The following MINDY4 variants were observed in gnomAD, a reference collection of about 807,000 sequenced individuals.
MINDY4 encodes the protein MINDY lysine 48 deubiquitinase 4.
MINDY4 carries 68 observed loss-of-function variants against 87.0 expected under a neutral mutation model. That is an observed-to-expected ratio of 0.78 (90% CI 0.64 to 0.96). The LOEUF (loss-of-function observed/expected upper bound fraction) is 0.96. Ranked by LOEUF, MINDY4 falls within the 40% of genes least tolerant of loss-of-function variation. MINDY4 has a pLI of 0.00. For synonymous variants in MINDY4, 379 were observed against 363.2 expected, an observed-to-expected ratio of 1.04 and a Z score of -0.50; for missense variants, 919 against 928.2, an observed-to-expected ratio of 0.99 and a Z score of 0.13.
intron 5 of MINDY4, among the ~76,000 whole-genome samples, chr7:30,805,529 G>A (rs1787778385): frequency 6.6e-6 from 1 of 152,190 alleles, no homozygotes; most frequent in Non-Finnish European, 1.5e-5. Flanking sequence ...GTGGGGCAGG[G>A]CAAGAAAACG....
intron 5 of MINDY4, among the ~76,000 whole-genome samples, chr7:30,808,824 C>T (rs969732828): frequency 1.3e-5 from 2 of 151,974 alleles, no homozygotes; most frequent in African/African-American, 4.8e-5. Flanking sequence ...CGGCCCTCCC[C>T]ACCCCGCACA....
chr7:30,790,112 G>A (rs1196197311), intron 4 of MINDY4, among the ~76,000 whole-genome samples: 1 of 152,216 alleles, frequency 6.6e-6, no homozygotes, highest in African/African-American at 2.4e-5. Context: ...CTGGCTCTGT[G>A]CTAGTGCCTT....
In MINDY4 at chr7:30,781,976, G is replaced by A. The variant is rs765773204; in HGVS notation, c.184-1G>A. The A allele has an allele frequency of 1.7e-5, 28 of 1,608,916 alleles. No individual in the cohort carries two copies. In the South Asian group the frequency reaches 2.9e-4, roughly 17 times the overall value. On this transcript the variant is annotated splice_acceptor_variant, in intron 2 of 17. Transcript: ENST00000265299. LOFTEE classifies it high-confidence loss of function. ...GATTTTTTTTTCTCTCCCAATGATA[G>A]GCAAAGGAAAATCCTCTAAAAACAA...
intron 17 of MINDY4, among the ~76,000 whole-genome samples, chr7:30,890,588 C>A (rs918469432): frequency 2.6e-5 from 4 of 152,160 alleles, no homozygotes; most frequent in Admixed American, 6.5e-5. Flanking sequence ...AAAATTTAGT[C>A]TTTACAGATA....
chr7:30,887,805 A>C (rs1584361070), intron 17 of MINDY4, among the ~76,000 whole-genome samples: 1 of 152,218 alleles, frequency 6.6e-6, no homozygotes, highest in South Asian at 2.1e-4. Flanking sequence ...GTCAGAGAAC[A>C]CTTCTGCAAA....
intron 5 of MINDY4, among the ~76,000 whole-genome samples, chr7:30,819,891 A>ATT: frequency 7.2e-6 from 1 of 138,466 alleles, no homozygotes; most frequent in African/African-American, 2.9e-5. Context: ...GCATATAGAT[A>ATT]ATTTTTTTTT....
At chr7:30,840,908 G>C in intron 9 of MINDY4, 60 bp downstream of exon 9, 4 of 1,457,744 alleles carry the variant, frequency 2.7e-6, no homozygotes, top group African/African-American at 1.4e-5. Flanking sequence ...AGAGTGTCCA[G>C]AAAAAACAAG....
chr7:30,796,134 T>G (rs1015649330), intron 5 of MINDY4, among the ~76,000 whole-genome samples: 2 of 150,060 alleles, frequency 1.3e-5, no homozygotes, highest in African/African-American at 2.5e-5. Context: ...TTTTTTTTTT[T>G]GTCTCACTAT....
At chr7:30,796,531 G>A (rs1787496073) in intron 5 of MINDY4, among the ~76,000 whole-genome samples, 1 of 152,088 alleles carries the variant, frequency 6.6e-6, no homozygotes, top group African/African-American at 2.4e-5. Context: ...TAAAAAGCAG[G>A]GTGGAATACA....
At position 30,866,193 on chromosome 7, in the gene MINDY4, C is replaced by G. The variant is rs555801572; in HGVS notation, c.1746-6050C>G. Among the ~76,000 whole-genome samples, 13 of 152,356 alleles carry G rather than the reference C, an allele frequency of 8.5e-5. No homozygotes were observed. The South Asian group carries it at 2.7e-3, about 32-fold the overall frequency. On this transcript the variant is annotated intron_variant, in intron 13 of 17. Transcript: ENST00000265299. ...AGGCCACTGAAGAGCTGGGAGGTCT[C>G]AAGACCCTCGGTCCTGTGTGCATCT...
chr7:30,800,279 G>A lies in MINDY4; in HGVS notation c.1073+8705G>A, dbSNP rs139623033. Among the ~76,000 whole-genome samples, 88 of 152,318 alleles carry A rather than the reference G, an allele frequency of 5.8e-4. No homozygotes were observed. The East Asian group carries it at 0.013, about 23-fold the overall frequency. On this transcript the variant is annotated intron_variant, in intron 5 of 17. Coordinates refer to ENST00000265299, the MANE Select transcript of MINDY4 (RefSeq NM_032222.3). ...TTAGATGCATTGGATGCCCTGGTGA[G>A]ATGGGCCAAGCAGGGATCTTTTACA... is the stretch of plus-strand genomic sequence containing the variant.
At chr7:30,815,411 C>T (rs555172475) in intron 5 of MINDY4, among the ~76,000 whole-genome samples, 1 of 152,200 alleles carries the variant, frequency 6.6e-6, no homozygotes, top group African/African-American at 2.4e-5. Flanking sequence ...ACACCTGGGA[C>T]ACCTCATGCT....
chr7:30,839,434 C>T (rs938141403), intron 8 of MINDY4, 118 bp downstream of exon 8: 6 of 603,992 alleles, frequency 9.9e-6, no homozygotes, highest in Non-Finnish European at 1.8e-5. Context: ...CTGGACCAGC[C>T]AGCCCCACAT....
At chr7:30,796,074 C>A (rs1787476739) in intron 5 of MINDY4, among the ~76,000 whole-genome samples, 1 of 151,684 alleles carries the variant, frequency 6.6e-6, no homozygotes. Context: ...GGGAGGGGGT[C>A]ATTTTTATGC....
chr7:30,849,589 C>G (rs748669166), intron 9 of MINDY4, among the ~76,000 whole-genome samples: 2 of 152,178 alleles, frequency 1.3e-5, no homozygotes, highest in Non-Finnish European at 2.9e-5. Flanking sequence ...ACGACTGTGT[C>G]GTGGCACTCT....
chr7:30,859,429 G>A (rs1239152841), intron 13 of MINDY4, 105 bp downstream of exon 13: 4 of 1,052,210 alleles, frequency 3.8e-6, no homozygotes, highest in Non-Finnish European at 4.3e-6. Flanking sequence ...TGAGGGCTCT[G>A]TGAGTATTGT....
chr7:30,813,661 C>T (rs921789337), intron 5 of MINDY4, among the ~76,000 whole-genome samples: 16 of 152,282 alleles, frequency 1.1e-4, no homozygotes, highest in African/African-American at 3.1e-4. Context: ...GCTGGCAGGC[C>T]GGCTCAGGGA....
At chr7:30,847,432 C>T (rs1250367997) in intron 9 of MINDY4, among the ~76,000 whole-genome samples, 1 of 152,162 alleles carries the variant, frequency 6.6e-6, no homozygotes, top group Admixed American at 6.5e-5. Flanking sequence ...GCTGAAAAGA[C>T]AGGGTCAAAG....
chr7:30,805,189 T>A (rs1562536537), intron 5 of MINDY4, among the ~76,000 whole-genome samples: 1 of 152,086 alleles, frequency 6.6e-6, no homozygotes, highest in Non-Finnish European at 1.5e-5. Flanking sequence ...CTGGCCTGGA[T>A]GTGCCAGAGG....
Sources: allele counts gnomAD v4.1 joint callset (sites outside exome capture counted in the v4.1 genomes callset), GRCh38; gene constraint gnomAD v4.1.1; transcripts MANE v1.5; gene names NCBI Gene and HGNC (gene_info 2026-07-23, HGNC 2026-07-21).